The following ASTN1 variants were observed in gnomAD, a reference collection of about 807,000 sequenced individuals.
ASTN1 encodes astrotactin 1.
Under a neutral mutation model 140.7 loss-of-function variants are expected in ASTN1, and 41 were observed. The observed-to-expected ratio is 0.29, with a 90% CI of 0.23 to 0.38. The LOEUF (loss-of-function observed/expected upper bound fraction) is 0.38, where lower values mean the gene tolerates loss of function less well. Ranked by LOEUF, ASTN1 falls within the 10% of genes least tolerant of loss-of-function variation. The pLI is 1.00. For synonymous variants in ASTN1, 640 were observed against 652.2 expected (o/e 0.98, Z 0.29); for missense variants, 1,479 against 1,678.8 (o/e 0.88, Z 2.08).
intron 8 of ASTN1, among the ~76,000 whole-genome samples, chr1:176,987,130 C>A (rs1673944458): frequency 1.3e-5 from 2 of 152,160 alleles, no homozygotes; most frequent in Non-Finnish European, 2.9e-5. Context: ...TCACAACAAG[C>A]AATTACCAAC....
chr1:176,973,431 A>C (rs1347987455), intron 8 of ASTN1, among the ~76,000 whole-genome samples: 1 of 152,066 alleles, frequency 6.6e-6, no homozygotes, highest in Non-Finnish European at 1.5e-5. Context: ...AAACACTCCA[A>C]CACTGGTTAA....
intron 16 of ASTN1, among the ~76,000 whole-genome samples, chr1:176,931,915 A>C (rs1671220177): frequency 1.3e-5 from 2 of 152,232 alleles, no homozygotes; most frequent in South Asian, 4.1e-4. Flanking sequence ...CCAAATACCT[A>C]ACCTGAGAAT....
At chr1:177,129,400 G>T (rs561590841) in intron 1 of ASTN1, among the ~76,000 whole-genome samples, 2 of 152,120 alleles carry the variant, frequency 1.3e-5, no homozygotes, top group East Asian at 3.9e-4. Flanking sequence ...CTTGTAGGTC[G>T]CAAGGAACCC....
Position 176,955,801 on chromosome 1 carries a change from A to G in ASTN1, c.1887+1877T>C, listed in dbSNP as rs118160198. On this transcript the variant is annotated intron_variant, in intron 11 of 22. Coordinates refer to ENST00000361833, the MANE Select transcript of ASTN1 (RefSeq NM_004319.3). ...AGAAGTGGCAAAAGAGGGAGAGCCT[A>G]ACCCTGTGTTTGTCTGCTAATGCAT... 3.8e-4 allele frequency among the ~76,000 whole-genome samples: 58 copies of G among 152,344 alleles called. 1 individual carries two copies. The East Asian group carries it at 9.8e-3, about 26-fold the overall frequency.
rs1571426930 is a variant in ASTN1 at position 176,864,448 on chromosome 1, T to A, written c.3721A>T (p.Ile1241Leu). The change falls in exon 23 of 23, where the codon ATA (isoleucine) becomes TTA (leucine). Residue 1241 changes from isoleucine to leucine, a missense_variant. Around this residue, in one of 3 missense-constraint regions of ASTN1, gnomAD observed 746 missense variants for 800.9 expected, o/e 0.93. Transcript: ENST00000361833. Reference protein sequence around the residue: ...WCNGLLQEPKISLRRSSLKYL... With the variant: ...WCNGLLQEPKLSLRRSSLKYL... The stretch of plus-strand genomic sequence containing the variant: ...TTGAGTGAGCTGCGCCGCAAGCTTA[T>A]CTTGGGTTCCTGAAGGAGTCCATTG... 1 of 1,614,168 alleles carries A rather than the reference T, an allele frequency of 6.2e-7. No homozygotes were observed. The highest frequency in any genetic ancestry group is 8.5e-7 in the Non-Finnish European group (1 of 1,180,022).
At chr1:176,950,115 G>A (rs1672135376) in intron 11 of ASTN1, among the ~76,000 whole-genome samples, 1 of 152,210 alleles carries the variant, frequency 6.6e-6, no homozygotes, top group African/African-American at 2.4e-5. Context: ...TCTAAGAAGG[G>A]ATGTCTTTTC....
intron 14 of ASTN1, among the ~76,000 whole-genome samples, chr1:176,941,408 A>G (rs1671706454): frequency 6.6e-6 from 1 of 152,204 alleles, no homozygotes. Flanking sequence ...GTTTTAGCTT[A>G]GAGGATTTTA....
At chr1:176,859,257 G>A (rs1667892786), downstream of ASTN1, among the ~76,000 whole-genome samples, 1 of 152,062 alleles carries the variant, frequency 6.6e-6, no homozygotes, top group South Asian at 2.1e-4. Context: ...TGGGCTCTAA[G>A]GTTTACCCCC....
At chr1:176,903,277 T>TTCTCTCTC (rs138995649) in intron 16 of ASTN1, among the ~76,000 whole-genome samples, 1 of 150,234 alleles carries the variant, frequency 6.7e-6, no homozygotes, top group Non-Finnish European at 1.5e-5. Context: ...AAGTGTTTCC[T>TTCTCTCTC]TCTCTCTCTC....
At chr1:177,117,912 T>C (rs1681178203) in intron 1 of ASTN1, among the ~76,000 whole-genome samples, 4 of 152,232 alleles carry the variant, frequency 2.6e-5, no homozygotes, top group Admixed American at 2.6e-4. Flanking sequence ...AAATGAATCA[T>C]TTCTTCTTTG....
chr1:177,030,891 G>T lies in ASTN1; in HGVS notation c.927C>A (p.Ser309Arg), dbSNP rs1246247944. 2 of 1,614,140 alleles carry T rather than the reference G, an allele frequency of 1.2e-6. No individual in the cohort carries two copies. The highest frequency in any genetic ancestry group is 1.7e-6 in the Non-Finnish European group (2 of 1,180,010). Residue 309 changes from serine to arginine, a missense_variant, in exon 4 of 23, where the codon AGC (serine) becomes AGA (arginine). Physicochemically the swap from Ser to Arg is moderately radical, Grantham distance 110 (BLOSUM62 -1). Around this residue, in one of 3 missense-constraint regions of ASTN1, gnomAD observed 729 missense variants for 860.4 expected, o/e 0.85. Transcript: ENST00000361833. ...NKYKDNIIATSPVDSNHQQAT... is the reference protein window; with the variant it reads ...NKYKDNIIATRPVDSNHQQAT... Reference sequence around the variant, plus strand: ...CTTGCTGGTGGTTGGAGTCCACAGGGCTAGTGGCTATAATATTATCTTTAT... The same window carrying T: ...CTTGCTGGTGGTTGGAGTCCACAGGTCTAGTGGCTATAATATTATCTTTAT...
chr1:176,918,951 G>A (rs772191809), intron 16 of ASTN1, among the ~76,000 whole-genome samples: 1 of 152,030 alleles, frequency 6.6e-6, no homozygotes, highest in Non-Finnish European at 1.5e-5. Context: ...TCCTCTTCCT[G>A]AGACACCTGT....
intron 8 of ASTN1, among the ~76,000 whole-genome samples, chr1:176,994,509 A>T (rs1293977783): frequency 6.6e-6 from 1 of 152,046 alleles, no homozygotes; most frequent in Non-Finnish European, 1.5e-5. Flanking sequence ...ACACTGGCTA[A>T]TTTTAGCATT....
chr1:177,030,009 C>G (rs1192496334), intron 4 of ASTN1, among the ~76,000 whole-genome samples: 2 of 152,124 alleles, frequency 1.3e-5, no homozygotes, highest in African/African-American at 2.4e-5. Context: ...CCAGAGAGGA[C>G]CTCCAGGGAA....
chr1:176,968,601 T>C (rs1289683248), intron 8 of ASTN1, among the ~76,000 whole-genome samples: 10 of 152,068 alleles, frequency 6.6e-5, no homozygotes, highest in African/African-American at 2.4e-4. Context: ...AGTAGCAAAA[T>C]TGCACCAGCA....
chr1:176,971,176 A>C lies in ASTN1; in HGVS notation c.1524-5939T>G, dbSNP rs575562986. ...AAGCTCATTTTAAAAGTGCTTCTGG[A>C]GAAAGGCAGTTTGCAATATATACAG... On this transcript the variant is annotated intron_variant, in intron 8 of 22. Transcript: ENST00000361833. 1.4e-4 allele frequency among the ~76,000 whole-genome samples: 22 copies of C among 152,326 alleles called. No individual in the cohort carries two copies. The South Asian group carries it at 4.4e-3, about 30-fold the overall frequency.
At chr1:177,123,890 A>G (rs1252000925) in intron 1 of ASTN1, among the ~76,000 whole-genome samples, 1 of 152,220 alleles carries the variant, frequency 6.6e-6, no homozygotes, top group Non-Finnish European at 1.5e-5. Flanking sequence ...TAGCAAAGAA[A>G]GGAGAAGTAA....
chr1:177,085,680 T>A (rs1679430308), intron 1 of ASTN1, among the ~76,000 whole-genome samples: 1 of 152,046 alleles, frequency 6.6e-6, no homozygotes, highest in Admixed American at 6.6e-5. Flanking sequence ...CCTGCCAGGG[T>A]TGTTGTCAGT....
intron 1 of ASTN1, 24 bp downstream of exon 1, chr1:177,164,370 G>C (rs1647580973): frequency 6.5e-7 from 1 of 1,545,358 alleles, no homozygotes; most frequent in Non-Finnish European, 8.7e-7. Context: ...GCCTCCGGCC[G>C]CCTCGACCTC....
Sources: allele counts gnomAD v4.1 joint callset (sites outside exome capture counted in the v4.1 genomes callset), GRCh38; gene constraint gnomAD v4.1.1; regional missense constraint gnomAD v4.1.1; transcripts MANE v1.5; gene names NCBI Gene and HGNC (gene_info 2026-07-23, HGNC 2026-07-21).